The following AGBL1 variants were observed in gnomAD, a reference collection of about 807,000 sequenced individuals.
AGBL1 encodes cytosolic carboxypeptidase 4.
Under a neutral mutation model 118.9 loss-of-function variants are expected in AGBL1, and 130 were observed. The observed-to-expected ratio is 1.09, with a 90% CI of 0.95 to 1.26. AGBL1 has a LOEUF of 1.26. AGBL1 is among the 50% of genes most tolerant of loss of function. The pLI is 0.00. For missense variants in AGBL1, 1,584 were observed against 1,298.1 expected, an observed-to-expected ratio of 1.22 and a Z score of -3.38; for synonymous variants, 555 against 478.9, an observed-to-expected ratio of 1.16 and a Z score of -2.08.
chr15:86,391,640 G>GTTTTTTTTTTTTT (rs751427467), intron 17 of AGBL1, among the ~76,000 whole-genome samples: 14 of 73,784 alleles, frequency 1.9e-4, no homozygotes, highest in African/African-American at 2.8e-4. Flanking sequence ...GTTGTTGTTG[G>GTTTTTTTTTTTTT]TTTTTTTTTT....
chr15:86,643,895 A>G (rs1396321444), intron 21 of AGBL1, among the ~76,000 whole-genome samples: 1 of 152,160 alleles, frequency 6.6e-6, no homozygotes, highest in Non-Finnish European at 1.5e-5. Context: ...AGCAGCTTTC[A>G]ACTTTTAGGA....
chr15:86,086,683 G>C (rs1037685681), intron 1 of AGBL1, among the ~76,000 whole-genome samples: 5 of 151,934 alleles, frequency 3.3e-5, no homozygotes, highest in Admixed American at 2.0e-4. Context: ...TACATCTATG[G>C]AGTAACCTAC....
chr15:86,951,170 T>A (rs1348041699), intron 23 of AGBL1, among the ~76,000 whole-genome samples: 1 of 152,200 alleles, frequency 6.6e-6, no homozygotes, highest in East Asian at 1.9e-4. Flanking sequence ...CTTCATTGCC[T>A]CACCTGCCTC....
At chr15:86,747,279 T>C (rs1056772591) in intron 22 of AGBL1, among the ~76,000 whole-genome samples, 5 of 152,104 alleles carry the variant, frequency 3.3e-5, no homozygotes, top group African/African-American at 1.2e-4. Context: ...AAGAAAACAG[T>C]AATAGCCCAT....
intron 22 of AGBL1, among the ~76,000 whole-genome samples, chr15:86,826,341 C>T (rs528411192): frequency 1.3e-5 from 2 of 152,224 alleles, no homozygotes; most frequent in African/African-American, 4.8e-5. Context: ...CCGAGGGATG[C>T]AGTGTCTGCC....
At chr15:86,310,927 C>T (rs138830086) in intron 17 of AGBL1, among the ~76,000 whole-genome samples, 8 of 152,246 alleles carry the variant, frequency 5.3e-5, no homozygotes, top group African/African-American at 2.4e-5. Context: ...CCTGCTCTCC[C>T]GTTCTGTGAA....
chr15:86,397,638 G>A (rs763307760), intron 18 of AGBL1, 92 bp downstream of exon 18: 12 of 1,200,500 alleles, frequency 1.0e-5, no homozygotes, highest in South Asian at 1.6e-5. Context: ...GAGAGGCCTC[G>A]GTACTCTGTC....
At chr15:86,651,944 A>T (rs1157387392) in intron 21 of AGBL1, among the ~76,000 whole-genome samples, 1 of 152,146 alleles carries the variant, frequency 6.6e-6, no homozygotes, top group Non-Finnish European at 1.5e-5. Flanking sequence ...TGTCATTGAG[A>T]TGGGGGTACT....
At chr15:86,948,620 A>G (rs1314956210) in intron 23 of AGBL1, among the ~76,000 whole-genome samples, 2 of 152,206 alleles carry the variant, frequency 1.3e-5, no homozygotes, top group African/African-American at 4.8e-5. Context: ...CGAGTGATTG[A>G]ATGCGTGTGA....
intron 22 of AGBL1, among the ~76,000 whole-genome samples, chr15:86,730,824 AT>A (rs2077516980): frequency 6.6e-6 from 1 of 150,634 alleles, no homozygotes; most frequent in Admixed American, 6.6e-5. Context: ...ATTTTATTTT[AT>A]TTTATTTATT....
chr15:86,344,689 A>G (rs1324844716), intron 17 of AGBL1, among the ~76,000 whole-genome samples: 1 of 151,974 alleles, frequency 6.6e-6, no homozygotes, highest in Non-Finnish European at 1.5e-5. Context: ...GATAGTAATA[A>G]CACCTCCATA....
chr15:86,921,718 T>C (rs1205256891), intron 23 of AGBL1, among the ~76,000 whole-genome samples: 1 of 152,192 alleles, frequency 6.6e-6, no homozygotes, highest in African/African-American at 2.4e-5. Context: ...ACAGCATGCA[T>C]GGATCAGACT....
At chr15:86,484,635 C>T (rs2082692050) in intron 18 of AGBL1, among the ~76,000 whole-genome samples, 1 of 152,010 alleles carries the variant, frequency 6.6e-6, no homozygotes, top group Non-Finnish European at 1.5e-5. Context: ...ACTCTCTCAC[C>T]CTTGGCACAC....
At chr15:86,710,877 A>G (rs1414132576) in intron 22 of AGBL1, among the ~76,000 whole-genome samples, 1 of 152,214 alleles carries the variant, frequency 6.6e-6, no homozygotes, top group East Asian at 1.9e-4. Flanking sequence ...GTGACAAGTC[A>G]CAGTCTTTGA....
intron 23 of AGBL1, among the ~76,000 whole-genome samples, chr15:86,943,392 A>G (rs2080778383): frequency 6.6e-6 from 1 of 152,216 alleles, no homozygotes; most frequent in Non-Finnish European, 1.5e-5. Flanking sequence ...ATTTCTATTA[A>G]TTTTGGAATC....
chr15:86,825,159 G>A (rs981869888), intron 22 of AGBL1, among the ~76,000 whole-genome samples: 1 of 151,764 alleles, frequency 6.6e-6, no homozygotes, highest in African/African-American at 2.4e-5. Context: ...GTTGAAGGGA[G>A]GAAATCATTT....
intron 1 of AGBL1, among the ~76,000 whole-genome samples, chr15:86,096,180 G>A (rs1896369750): frequency 6.6e-6 from 1 of 151,996 alleles, no homozygotes; most frequent in Non-Finnish European, 1.5e-5. Flanking sequence ...GCACATACAG[G>A]AAGTAGCCAC....
At chr15:86,676,832 GTGGCTCA>G (rs1205984526) in intron 22 of AGBL1, among the ~76,000 whole-genome samples, 1 of 152,130 alleles carries the variant, frequency 6.6e-6, no homozygotes, top group Non-Finnish European at 1.5e-5. Flanking sequence ...GCTGGGTGCG[GTGGCTCA>G]TGCCTGTAAT....
intron 17 of AGBL1, among the ~76,000 whole-genome samples, chr15:86,345,466 TAAAG>T (rs2141890047): frequency 6.6e-6 from 1 of 152,310 alleles, no homozygotes; most frequent in Non-Finnish European, 1.5e-5. Context: ...ACATAGACAT[TAAAG>T]AAAGTTTGAA....
Sources: gnomAD v4.1 joint callset for allele counts (sites outside exome capture counted in the v4.1 genomes callset) on GRCh38, gnomAD v4.1.1 for gene constraint, MANE v1.5 for transcripts, NCBI Gene and HGNC (gene_info 2026-07-23, HGNC 2026-07-21) for gene names.